PTGER3: variants seen among roughly 807,000 people sequenced by gnomAD.
PTGER3 encodes prostaglandin E2 receptor EP3 subtype.
In PTGER3, 22 loss-of-function variants were observed where a neutral mutation model predicts 34.7. The ratio of observed to expected loss-of-function variants is 0.63; its 90% confidence interval spans 0.45 to 0.91. The LOEUF is 0.91. Ranked by LOEUF, PTGER3 falls within the 40% of genes least tolerant of loss-of-function variation. The pLI, the probability that PTGER3 is intolerant of heterozygous loss-of-function variation, is 0.00. For synonymous variants in PTGER3, 241 were observed against 230.1 expected (o/e 1.05, Z -0.43); for missense variants, 468 against 519.4 (o/e 0.90, Z 0.96).
At chr1:71,036,462 A>G (rs1205970821) in intron 1 of PTGER3, among the ~76,000 whole-genome samples, 1 of 152,194 alleles carries the variant, frequency 6.6e-6, no homozygotes, top group Non-Finnish European at 1.5e-5. Context: ...GGCTGCAGTG[A>G]GCTATGATCA....
intron 2 of PTGER3, among the ~76,000 whole-genome samples, chr1:70,976,766 C>A (rs1010159199): frequency 2.0e-5 from 3 of 152,142 alleles, no homozygotes; most frequent in African/African-American, 7.2e-5. Flanking sequence ...CACTGATCTT[C>A]ATTCACATCA....
At position 71,047,629 on chromosome 1, in the gene PTGER3, G is replaced by A. The variant is rs574275631; in HGVS notation, c.-52C>T. On this transcript the variant is annotated 5_prime_UTR_variant, in exon 1 of 4. Transcript: ENST00000306666. Reference sequence around the variant, plus strand: ...GCGTCCAGAGAGCCGCAGCGGGAGGGGGCAGACGCGGCGCGGGCGGCGGCG... The same window carrying A: ...GCGTCCAGAGAGCCGCAGCGGGAGGAGGCAGACGCGGCGCGGGCGGCGGCG... The A allele has an allele frequency of 9.6e-6, 14 of 1,457,918 alleles. No homozygotes were observed. In the African/African-American group the frequency reaches 1.9e-4, roughly 19 times the overall value. The allele number at this position is 1,457,918 out of a possible 1,614,324, so 90.3% of individuals were successfully genotyped here. A position where few individuals can be genotyped will look rare whatever the true frequency, so the allele number is the denominator to read the frequency against.
intron 1 of PTGER3, among the ~76,000 whole-genome samples, chr1:71,038,685 C>A (rs1660030341): frequency 6.6e-6 from 1 of 152,186 alleles, no homozygotes; most frequent in Non-Finnish European, 1.5e-5. Context: ...AGAAAAATAA[C>A]ACATTGTGCT....
intron 4 of PTGER3, among the ~76,000 whole-genome samples, chr1:70,881,427 CA>C (rs1646387925): frequency 6.6e-6 from 1 of 152,130 alleles, no homozygotes; most frequent in South Asian, 2.1e-4. Context: ...TCATTGCAGC[CA>C]GGTTAACAAC....
At chr1:70,991,704 C>G (rs1655497437) in intron 2 of PTGER3, among the ~76,000 whole-genome samples, 1 of 152,166 alleles carries the variant, frequency 6.6e-6, no homozygotes, top group African/African-American at 2.4e-5. Flanking sequence ...AATCCTAACT[C>G]TAACTCATCA....
At chr1:70,982,963 TA>T (rs1654531041) in intron 2 of PTGER3, among the ~76,000 whole-genome samples, 1 of 152,034 alleles carries the variant, frequency 6.6e-6, no homozygotes, top group African/African-American at 2.4e-5. Context: ...ATTTGTCAAT[TA>T]AAAATAAGGT....
downstream of PTGER3, chr1:70,951,306 T>C (rs1425798378): frequency 6.6e-6 from 1 of 152,192 alleles, no homozygotes; most frequent in Non-Finnish European, 1.5e-5. Context: ...GTATAACCTA[T>C]AGAAAGAAAT....
At chr1:70,891,808 G>A (rs983782610) in intron 4 of PTGER3, among the ~76,000 whole-genome samples, 1 of 152,136 alleles carries the variant, frequency 6.6e-6, no homozygotes, top group Admixed American at 6.5e-5. Flanking sequence ...ACAAAATTCT[G>A]CCAATTTAAG....
At chr1:71,001,142 C>T (rs1166330984) in intron 2 of PTGER3, among the ~76,000 whole-genome samples, 1 of 151,958 alleles carries the variant, frequency 6.6e-6, no homozygotes, top group Non-Finnish European at 1.5e-5. Flanking sequence ...CCTTTCAGCA[C>T]TATTTGACTT....
At chr1:70,924,685 G>T (rs1299139431) in intron 4 of PTGER3, among the ~76,000 whole-genome samples, 1 of 152,064 alleles carries the variant, frequency 6.6e-6, no homozygotes, top group East Asian at 1.9e-4. Context: ...TACTCTTTTT[G>T]TAGGAATTCA....
intron 2 of PTGER3, among the ~76,000 whole-genome samples, chr1:70,975,041 T>TATA (rs1653545683): frequency 6.6e-6 from 1 of 152,200 alleles, no homozygotes; most frequent in Admixed American, 6.5e-5. Flanking sequence ...TCACTAGGAC[T>TATA]GGTGCCTCAC....
intron 2 of PTGER3, among the ~76,000 whole-genome samples, chr1:70,992,646 A>C (rs913412082): frequency 2.0e-5 from 3 of 152,124 alleles, no homozygotes; most frequent in African/African-American, 7.2e-5. Context: ...TCTACCATGC[A>C]CTCAGGTGGA....
rs1342529017 is a variant in PTGER3, at chr1:70,971,304, C to A, written c.*426G>T. 2.0e-6 allele frequency: 2 copies of A among 987,730 alleles called. No homozygotes were observed. Among genetic ancestry groups the A allele is most frequent in the Middle Eastern group, 5.1e-4 (1 of 1,946 alleles). The allele number at this position is 987,730 out of a possible 1,614,324, so 61.2% of individuals were successfully genotyped here. On this transcript the variant is annotated 3_prime_UTR_variant, in exon 4 of 4. Coordinates refer to ENST00000306666, the MANE Select transcript of PTGER3 (RefSeq NM_198719.2). Reference sequence around the variant, plus strand: ...TGAATTATCACTCTCAATATGTTGACTTTTCACCATCATAAGCTTATACTG... The same window carrying A: ...TGAATTATCACTCTCAATATGTTGAATTTTCACCATCATAAGCTTATACTG...
In PTGER3 at chr1:70,974,343, G is replaced by T; in HGVS notation, c.1123C>A (p.Pro375Thr). ...NNYASSSTSL[P>T]CQCSSTLMWS... Reference sequence around the variant, plus strand: ...ATCAAGGTTGAGGAACACTGGCAGGGTAAGGAGGTGGAGCTGGATGCATAG... The same window carrying T: ...ATCAAGGTTGAGGAACACTGGCAGGTTAAGGAGGTGGAGCTGGATGCATAG... The change falls in exon 3 of 4, where the codon CCC becomes ACC. Residue 375 changes from proline to threonine, a missense_variant. Pro to Thr is a conservative substitution (Grantham distance 38). Around this residue, in one of 5 missense-constraint regions of PTGER3, gnomAD observed 57 missense variants for 43.8 expected, o/e 1.30. Transcript: ENST00000306666. 1 of 1,419,076 alleles carries T rather than the reference G, an allele frequency of 7.0e-7. No homozygotes were observed. The highest frequency in any genetic ancestry group is 1.0e-6 in the Non-Finnish European group (1 of 1,002,488). 87.9% of individuals were successfully genotyped at this position (1,419,076 alleles called of 1,614,324 possible). A position where few individuals can be genotyped will look rare whatever the true frequency, so the allele number is the denominator to read the frequency against.
At chr1:71,018,670 CT>C (rs1658132730) in intron 1 of PTGER3, among the ~76,000 whole-genome samples, 2 of 152,132 alleles carry the variant, frequency 1.3e-5, no homozygotes, top group Non-Finnish European at 2.9e-5. Context: ...ATTTCTCTAA[CT>C]TTTTGTGATC....
At chr1:70,940,379 T>G (rs2100540911) in intron 4 of PTGER3, among the ~76,000 whole-genome samples, 1 of 152,372 alleles carries the variant, frequency 6.6e-6, no homozygotes, top group South Asian at 2.1e-4. Flanking sequence ...TCTCCGCCTA[T>G]TACCTAGTTC....
chr1:70,932,521 T>C (rs1648807058), intron 4 of PTGER3, among the ~76,000 whole-genome samples: 1 of 152,148 alleles, frequency 6.6e-6, no homozygotes, highest in Admixed American at 6.5e-5. Context: ...TGAGGAGGCC[T>C]CAGAATCATG....
intron 2 of PTGER3, chr1:71,007,706 A>G: frequency 1.0e-6 from 1 of 985,286 alleles, no homozygotes; most frequent in Non-Finnish European, 1.2e-6. Flanking sequence ...TTTGATTTCT[A>G]CAGACATGGA....
intron 4 of PTGER3, among the ~76,000 whole-genome samples, chr1:70,898,543 G>A (rs75446561): frequency 0.039 from 5,937 of 152,214 alleles, 380 homozygotes; most frequent in African/African-American, 0.14. Flanking sequence ...CCTCTGCACT[G>A]TAACTGCATC....
Sources: gnomAD v4.1 joint callset for allele counts (sites outside exome capture counted in the v4.1 genomes callset) on GRCh38, gnomAD v4.1.1 for gene constraint, gnomAD v4.1.1 regional missense constraint, MANE v1.5 for transcripts, NCBI Gene and HGNC (gene_info 2026-07-23, HGNC 2026-07-21) for gene names.